The following PPP2R3B variants were observed in gnomAD, a reference collection of about 807,000 sequenced individuals.
PPP2R3B encodes the protein protein phosphatase 2 regulatory subunit B''beta, also known as serine/threonine-protein phosphatase 2A regulatory subunit B'' subunit beta.
In PPP2R3B, 68 loss-of-function variants were observed where a neutral mutation model predicts 72.9. That is an observed-to-expected ratio of 0.93 (90% confidence interval 0.77 to 1.14). The LOEUF is 1.14. PPP2R3B is among the 50% of genes most tolerant of loss of function. The probability of loss-of-function intolerance (pLI) is 0.00; values close to 1 mark genes in which losing one functional copy is unlikely to be tolerated. For synonymous variants in PPP2R3B, 466 were observed against 375.8 expected (o/e 1.24, Z -2.78); for missense variants, 1,018 against 842.0 (o/e 1.21, Z -2.59).
chrX:348,581 A>AAAAAAAAAAAAAAAAAAAG (rs111787156), intron 2 of PPP2R3B, among the ~76,000 whole-genome samples: 2 of 144,380 alleles, frequency 1.4e-5, no homozygotes, highest in Admixed American at 6.8e-5. Flanking sequence ...GTCTCAAAAA[A>AAAAAAAAAAAAAAAAAAAG]AGAGCAAATA....
Position 359,846 on chromosome X carries a change from G to A in PPP2R3B, c.510+1559C>T, listed in dbSNP as rs117726834. 2,519 of 514,544 alleles carry A rather than the reference G, an allele frequency of 4.9e-3. 48 individuals are homozygous for A. Among genetic ancestry groups the A allele is most frequent in the African/African-American group, 0.044 (2,293 of 51,742 alleles). 31.9% of individuals were successfully genotyped at this position (514,544 alleles called of 1,614,324 possible). ...CAAAGCTATGGAAACTATTACCTCT[G>A]GGGTAGAAACAGCACAGACAGGGAC... On this transcript the variant is annotated intron_variant, in intron 2 of 12. Coordinates refer to ENST00000390665, the MANE Select transcript of PPP2R3B (RefSeq NM_013239.5).
chrX:349,718 CTAAAAA>C (rs2071289513), intron 2 of PPP2R3B, among the ~76,000 whole-genome samples: 2 of 152,162 alleles, frequency 1.3e-5, no homozygotes, highest in Non-Finnish European at 1.5e-5. Context: ...CAACAAACAA[CTAAAAA>C]TAAAATCTTC....
chrX:367,108 A>G (rs2071735582), intron 1 of PPP2R3B, among the ~76,000 whole-genome samples: 1 of 152,096 alleles, frequency 6.6e-6, no homozygotes, highest in East Asian at 1.9e-4. Flanking sequence ...CAGACACTCT[A>G]CGGGGCAAAA....
rs375085438 is a variant in PPP2R3B at position 340,865 on chromosome X, G to A, written c.1251C>T (p.Tyr417=). ...ALSMFELEYF[Y]EEQCRRLDSM... is the part of the protein sequence containing the mutation. ...TGTCCAGCCTTCGGCACTGCTCCTC[G>A]TAGAAGTACTCGAGCTCGAACATGG... The change falls in exon 10 of 13, where the codon TAC becomes TAT. Residue 417 remains tyrosine (Y), a synonymous_variant. Transcript: ENST00000390665. 1.4e-5 allele frequency: 23 copies of A among 1,612,122 alleles called. No homozygotes were observed. Among genetic ancestry groups the A allele is most frequent in the African/African-American group, 1.3e-4 (10 of 75,022 alleles).
At position 338,847 on chromosome X, in the gene PPP2R3B, G is replaced by A. The variant is rs764225110; in HGVS notation, c.1401C>T (p.Phe467=). The part of the protein sequence containing the change: ...DLKRCKLANV[F]FDTFFNIEKY... ...TCTCGATGTTGAAGAAGGTGTCGAAGAAGACGTTAGCCAGCTTGCAGCGCT... is the reference window on the plus strand; with the variant it reads ...TCTCGATGTTGAAGAAGGTGTCGAAAAAGACGTTAGCCAGCTTGCAGCGCT... Residue 467 remains phenylalanine, a synonymous_variant, in exon 11 of 13, where the codon TTC becomes TTT. Transcript: ENST00000390665. 13 of 1,612,496 alleles carry A rather than the reference G, an allele frequency of 8.1e-6. No individual in the cohort carries two copies. The highest frequency in any genetic ancestry group is 1.3e-5 in the African/African-American group (1 of 75,064).
At chrX:350,394 A>C (rs2071304992) in intron 2 of PPP2R3B, among the ~76,000 whole-genome samples, 1 of 152,228 alleles carries the variant, frequency 6.6e-6, no homozygotes, top group Admixed American at 6.5e-5. Context: ...GCACCGCCCC[A>C]GCGCAGGACT....
rs2070960912 is a variant in PPP2R3B, at chrX:338,655, TCCTCGGCCGCGTACTTCTCC to T, written c.1506_1525del (p.Trp502Ter). On this transcript the variant is annotated stop_gained and frameshift_variant, in exon 12 of 13. Transcript: ENST00000390665. LOFTEE classifies it high-confidence loss of function. Reference sequence around the variant, plus strand: ...CTCCTCGGCCACCAGGATGTCGTACTCCTCGGCCGCGTACTTCTCCCAGTCCGAGAGCTCGGGGCCGCCGC... The same window carrying T: ...CTCCTCGGCCACCAGGATGTCGTACTCAGTCCGAGAGCTCGGGGCCGCCGC... 3 of 1,611,074 alleles carry T rather than the reference TCCTCGGCCGCGTACTTCTCC, an allele frequency of 1.9e-6. No homozygotes were observed. Among genetic ancestry groups the T allele is most frequent in the Admixed American group, 1.7e-5 (1 of 59,980 alleles).
intron 1 of PPP2R3B, among the ~76,000 whole-genome samples, chrX:373,070 G>A (rs1393412745): frequency 6.6e-6 from 1 of 152,130 alleles, no homozygotes; most frequent in Non-Finnish European, 1.5e-5. Flanking sequence ...TTGCAATAAC[G>A]CCGGGAAAGT....
chrX:341,725 G>T, intron 8 of PPP2R3B, 158 bp downstream of exon 8: 1 of 827,394 alleles, frequency 1.2e-6, no homozygotes, highest in Non-Finnish European at 2.0e-6. Flanking sequence ...CCCCACTAGG[G>T]ATTCACGTGA....
At chrX:372,176 C>T (rs1022869495) in intron 1 of PPP2R3B, among the ~76,000 whole-genome samples, 1 of 152,188 alleles carries the variant, frequency 6.6e-6, no homozygotes, top group Admixed American at 6.5e-5. Context: ...AGGCTGATCT[C>T]GCTCTTCGCA....
Position 374,470 on chromosome X carries a change from A to C in PPP2R3B, c.324+11898T>G, listed in dbSNP as rs143542827. Among the ~76,000 whole-genome samples the C allele has an allele frequency of 2.2e-3, 330 of 152,334 alleles. 1 individual carries two copies. The highest frequency in any genetic ancestry group is 7.6e-3 in the African/African-American group (317 of 41,582). Reference sequence around the variant, plus strand: ...GATCTCGTCTTCTCTGCCACTGCTCACTGTGATAACTGCGCTTGTTTGCAA... The same window carrying C: ...GATCTCGTCTTCTCTGCCACTGCTCCCTGTGATAACTGCGCTTGTTTGCAA... On this transcript the variant is annotated intron_variant, in intron 1 of 12. Coordinates refer to ENST00000390665, the MANE Select transcript of PPP2R3B (RefSeq NM_013239.5).
chrX:366,972 G>A (rs777364367), intron 1 of PPP2R3B, among the ~76,000 whole-genome samples: 2 of 152,052 alleles, frequency 1.3e-5, no homozygotes, highest in East Asian at 1.9e-4. Context: ...AGGGTGCGGT[G>A]AGCTGAGGTC....
chrX:353,366 T>C (rs2071368983), intron 2 of PPP2R3B, among the ~76,000 whole-genome samples: 1 of 149,910 alleles, frequency 6.7e-6, no homozygotes, highest in African/African-American at 2.5e-5. Context: ...AGAGCAAGAC[T>C]CTGTCTCCAA....
intron 2 of PPP2R3B, among the ~76,000 whole-genome samples, chrX:350,456 G>A (rs1266238691): frequency 3.9e-5 from 6 of 152,220 alleles, no homozygotes. Context: ...GACACAGAGG[G>A]AGAAATGTCT....
rs1263301817 is a variant in PPP2R3B at position 334,108 on chromosome X, C to A, written c.*259G>T. The A allele has an allele frequency of 2.7e-5, 10 of 369,880 alleles. No individual in the cohort carries two copies. The highest frequency in any genetic ancestry group is 4.8e-5 in the Non-Finnish European group (10 of 209,194). 22.9% of individuals were successfully genotyped at this position (369,880 alleles called of 1,614,324 possible). ...GCAGGCCCCGGAACCCAGGCTGGGT[C>A]GGGAACGGCAAGCGCCAGAGGGTGT... On this transcript the variant is annotated 3_prime_UTR_variant, in exon 13 of 13. Coordinates refer to ENST00000390665, the MANE Select transcript of PPP2R3B (RefSeq NM_013239.5).
chrX:354,073 A>G lies in PPP2R3B; in HGVS notation c.511-6380T>C, dbSNP rs756829485. On this transcript the variant is annotated intron_variant, in intron 2 of 12. Transcript: ENST00000390665. ...CACCCAAAGACCGGGGCTCGCCCAAAGACCGGGGCTCACCCAGGGACCAGG... is the reference window on the plus strand; with the variant it reads ...CACCCAAAGACCGGGGCTCGCCCAAGGACCGGGGCTCACCCAGGGACCAGG... 1.1e-4 allele frequency among the ~76,000 whole-genome samples: 15 copies of G among 132,014 alleles called. 2 individuals are homozygous for G. The highest frequency in any genetic ancestry group is 4.2e-4 in the African/African-American group (11 of 26,432). 86.6% of individuals were successfully genotyped at this position (132,014 alleles called of 152,430 possible).
In PPP2R3B at chrX:341,932, C is replaced by G; in HGVS notation, c.1037-1G>C. 6.2e-7 allele frequency: 1 copy of G among 1,612,698 alleles called. No individual in the cohort carries two copies. The highest frequency in any genetic ancestry group is 1.1e-5 in the South Asian group (1 of 91,080). On this transcript the variant is annotated splice_acceptor_variant, in intron 7 of 12. Transcript: ENST00000390665. LOFTEE classifies it high-confidence loss of function. ...CTGTCTATCATCTTGGTAGAAAGGG[C>G]TGGAAAGGAATGCGGTTGATGGGCA...
chrX:351,648 T>C (rs377608954), intron 2 of PPP2R3B, among the ~76,000 whole-genome samples: 1,111 of 99,260 alleles, frequency 0.011, 39 homozygotes, highest in East Asian at 0.028. Context: ...CGAGACACGG[T>C]CTTGCTGTTG....
rs373991612 is a variant in PPP2R3B at position 350,741 on chromosome X, G to A, written c.511-3048C>T. On this transcript the variant is annotated intron_variant, in intron 2 of 12. Coordinates refer to ENST00000390665, the MANE Select transcript of PPP2R3B (RefSeq NM_013239.5). ...TGCCAGGCAGCTGGGTGTCCTCCGC[G>A]TTGCTGGGGGAACTGGGACGCCACG... is the stretch of plus-strand genomic sequence containing the variant. Among the ~76,000 whole-genome samples the A allele has an allele frequency of 2.2e-4, 33 of 152,334 alleles. No homozygotes were observed. The East Asian group carries it at 5.0e-3, about 23-fold the overall frequency.
Sources: allele counts gnomAD v4.1 joint callset (sites outside exome capture counted in the v4.1 genomes callset), GRCh38; gene constraint gnomAD v4.1.1; transcripts MANE v1.5; gene names NCBI Gene and HGNC (gene_info 2026-07-23, HGNC 2026-07-21).